Variants in ABCC3 observed in about 807,000 individuals in gnomAD.
ABCC3 encodes the protein ATP-binding cassette sub-family C member 3.
Under a neutral mutation model 165.3 loss-of-function variants are expected in ABCC3, and 121 were observed. That is an observed-to-expected ratio of 0.73 (90% CI 0.63 to 0.85). The LOEUF (loss-of-function observed/expected upper bound fraction) is 0.85, where lower values mean the gene tolerates loss of function less well. Among genes scored for constraint, ABCC3 ranks in the 40% least tolerant of loss-of-function variants. The pLI is 0.00. For synonymous variants in ABCC3, 733 were observed against 810.1 expected (o/e 0.90, Z 1.62); for missense variants, 1,869 against 1,964.1 (o/e 0.95, Z 0.92).
At position 50,673,971 on chromosome 17, in the gene ABCC3, T is replaced by TCCTTCCTTCCTTCCTTC. The variant is rs1567835528; in HGVS notation, c.2599+314_2599+315insCTTCCTTCCTTCCTTCC. On this transcript the variant is annotated intron_variant, in intron 19 of 30. Coordinates refer to ENST00000285238, the MANE Select transcript of ABCC3 (RefSeq NM_003786.4). ...TTCTTTCTTTCTTTCTTTCTTTCTTTCTTTCTTTCTCTCTCTCTCTCTCTC... is the reference window on the plus strand; with the variant it reads ...TTCTTTCTTTCTTTCTTTCTTTCTTTCCTTCCTTCCTTCCTTCCTTTCTTTCTCTCTCTCTCTCTCTC... Among the ~76,000 whole-genome samples the TCCTTCCTTCCTTCCTTC allele has an allele frequency of 3.4e-4, 5 of 14,674 alleles. 1 individual carries two copies. Among genetic ancestry groups the TCCTTCCTTCCTTCCTTC allele is most frequent in the African/African-American group, 8.8e-4 (3 of 3,410 alleles). 9.6% of individuals were successfully genotyped at this position (14,674 alleles called of 152,430 possible).
At position 50,660,905 on chromosome 17, in the gene ABCC3, C is replaced by A. The variant is rs2301837; in HGVS notation, c.807-18C>A. The A allele has an allele frequency of 1.3e-6, 2 of 1,569,966 alleles. No individual in the cohort carries two copies. Among genetic ancestry groups the A allele is most frequent in the East Asian group, 4.5e-5 (2 of 44,550 alleles). ...CTGTCCCCATTCCTAACCCACTGCTCCTTCCTCCCTGGACCAGACACAAGG... is the reference window on the plus strand; with the variant it reads ...CTGTCCCCATTCCTAACCCACTGCTACTTCCTCCCTGGACCAGACACAAGG... On this transcript the variant is annotated intron_variant, in intron 7 of 30. Coordinates refer to ENST00000285238, the MANE Select transcript of ABCC3 (RefSeq NM_003786.4).
chr17:50,675,590 C>G, intron 20 of ABCC3, 41 bp from the exon 21 acceptor site: 1 of 1,560,032 alleles, frequency 6.4e-7, no homozygotes, highest in Non-Finnish European at 8.7e-7. Context: ...CTGGGGGGTG[C>G]TTGAGGCCCC....
At chr17:50,687,915 A>G (rs1348920381) in intron 30 of ABCC3, among the ~76,000 whole-genome samples, 185 bp downstream of exon 30, 1 of 151,648 alleles carries the variant, frequency 6.6e-6, no homozygotes, top group East Asian at 1.9e-4. Flanking sequence ...GCCTGGGCTC[A>G]GGGGTGGGGT....
chr17:50,657,540 A>G (rs992979147), intron 4 of ABCC3, among the ~76,000 whole-genome samples: 3 of 152,232 alleles, frequency 2.0e-5, no homozygotes, highest in Non-Finnish European at 4.4e-5. Context: ...TAGAGGTCCC[A>G]TTAGCATGTT....
At chr17:50,654,737 G>A (rs1416523241) in intron 1 of ABCC3, among the ~76,000 whole-genome samples, 2 of 152,272 alleles carry the variant, frequency 1.3e-5, no homozygotes, top group Non-Finnish European at 1.5e-5. Context: ...AAGGCCTTAA[G>A]AGAAAGTGGT....
rs11568591 is a variant in ABCC3 at position 50,683,692 on chromosome 17, G to A, written c.3890G>A (p.Arg1297His). Residue 1297 changes from arginine (R) to histidine (H), a missense_variant, in exon 27 of 31, where the codon CGC becomes CAC. Arg to His is a conservative substitution (Grantham distance 29). Coordinates refer to ENST00000285238, the MANE Select transcript of ABCC3 (RefSeq NM_003786.4). ...GTGGAGTTCCGGAATTATTCTGTGC[G>A]CTACCGGCCGGGCCTAGACCTGGTG... Reference protein sequence around the residue: ...GEVEFRNYSVRYRPGLDLVLR... With the variant: ...GEVEFRNYSVHYRPGLDLVLR... The A allele has an allele frequency of 0.053, 85,962 of 1,607,366 alleles. 2,722 individuals carry two copies. The highest frequency in any genetic ancestry group is 0.065 in the Non-Finnish European group (76,200 of 1,177,010).
At chr17:50,660,513 GC>G in intron 7 of ABCC3, among the ~76,000 whole-genome samples, 1 of 152,206 alleles carries the variant, frequency 6.6e-6, no homozygotes, top group South Asian at 2.1e-4. Context: ...AGACCTATGG[GC>G]CCCCAGTCTG....
chr17:50,668,550 C>G, intron 14 of ABCC3, 33 bp downstream of exon 14: 1 of 1,531,126 alleles, frequency 6.5e-7, no homozygotes, highest in Non-Finnish European at 9.0e-7. Context: ...CTGCCTGCCC[C>G]AGTCCTTGCT....
intron 1 of ABCC3, among the ~76,000 whole-genome samples, chr17:50,646,877 CTTTTTAT>C (rs940499167): frequency 1.3e-5 from 2 of 152,112 alleles, no homozygotes; most frequent in Non-Finnish European, 2.9e-5. Flanking sequence ...GTGACTTCTT[CTTTTTAT>C]TTTTTATTTT....
chr17:50,636,324 G>A (rs1391951850), intron 1 of ABCC3, among the ~76,000 whole-genome samples: 2 of 152,092 alleles, frequency 1.3e-5, no homozygotes, highest in Non-Finnish European at 2.9e-5. Flanking sequence ...TTTAGAATGG[G>A]CTGAAGGCGT....
intron 29 of ABCC3, 107 bp from the exon 30 acceptor site, chr17:50,687,429 A>G: frequency 2.7e-6 from 3 of 1,121,488 alleles, no homozygotes; most frequent in Non-Finnish European, 1.3e-6. Context: ...GAGAAGTCAG[A>G]CAGAAAACCA....
At chr17:50,653,372 A>G (rs530012259) in intron 1 of ABCC3, among the ~76,000 whole-genome samples, 6 of 151,860 alleles carry the variant, frequency 4.0e-5, no homozygotes, top group African/African-American at 1.4e-4. Flanking sequence ...AAGAAAAAGA[A>G]AAAGAAAAAG....
intron 17 of ABCC3, among the ~76,000 whole-genome samples, chr17:50,671,356 C>G (rs1967642955): frequency 6.6e-6 from 1 of 152,054 alleles, no homozygotes; most frequent in Non-Finnish European, 1.5e-5. Context: ...ATCTCCAGAA[C>G]CTTTTCATCT....
intron 28 of ABCC3, among the ~76,000 whole-genome samples, chr17:50,684,309 G>T (rs1967982907): frequency 6.6e-6 from 1 of 152,124 alleles, no homozygotes; most frequent in African/African-American, 2.4e-5. Context: ...GCCCAGTCAG[G>T]CCCTGTCCTT....
chr17:50,670,557 A>C (rs1967626522), intron 17 of ABCC3, among the ~76,000 whole-genome samples: 1 of 152,260 alleles, frequency 6.6e-6, no homozygotes, highest in Non-Finnish European at 1.5e-5. Context: ...CTCACATTCT[A>C]GTGGCAGGAA....
chr17:50,656,832 G>T lies in ABCC3; in HGVS notation c.348+5G>T, dbSNP rs757618174. 6.2e-7 allele frequency: 1 copy of T among 1,600,572 alleles called. No homozygotes were observed. The highest frequency in any genetic ancestry group is 1.8e-5 in the Admixed American group (1 of 57,064). On this transcript the variant is annotated splice_donor_5th_base_variant and intron_variant, in intron 3 of 30. Coordinates refer to ENST00000285238, the MANE Select transcript of ABCC3 (RefSeq NM_003786.4). ...TTGGTGGTGGGGGTCACCATGGTCA[G>T]TGTGGGGCCCTGGGAAAGTGGATGG...
chr17:50,670,988 C>T (rs1054363522), intron 17 of ABCC3, among the ~76,000 whole-genome samples: 7 of 151,944 alleles, frequency 4.6e-5, no homozygotes, highest in East Asian at 3.9e-4. Context: ...TCATCTTGCC[C>T]GGCATGGTGG....
chr17:50,669,366 T>C lies in ABCC3; in HGVS notation c.2079T>C (p.Tyr693=), dbSNP rs2146622609. The change falls in exon 17 of 31, where the codon TAT becomes TAC. Residue 693 remains tyrosine (Y), a synonymous_variant. Transcript: ENST00000285238. ...CCTGTGGCCAGGGCTCCGTGGCCTATGTGCCCCAGCAGGCATGGATCCAGA... is the reference window on the plus strand; with the variant it reads ...CCTGTGGCCAGGGCTCCGTGGCCTACGTGCCCCAGCAGGCATGGATCCAGA... ...GKVHMKGSVA[Y]VPQQAWIQNC... The C allele has an allele frequency of 6.2e-7, 1 of 1,614,224 alleles. No homozygotes were observed. Among genetic ancestry groups the C allele is most frequent in the South Asian group, 1.1e-5 (1 of 91,080 alleles).
intron 29 of ABCC3, chr17:50,687,213 T>G: frequency 2.9e-6 from 1 of 348,140 alleles, no homozygotes; most frequent in East Asian, 5.1e-5. Context: ...AAATGGCTGA[T>G]AGAGTGAAGC....
Sources: allele counts gnomAD v4.1 joint callset (sites outside exome capture counted in the v4.1 genomes callset), GRCh38; gene constraint gnomAD v4.1.1; transcripts MANE v1.5; gene names NCBI Gene and HGNC (gene_info 2026-07-23, HGNC 2026-07-21).